CD96: variants seen among roughly 807,000 people sequenced by gnomAD.
The protein encoded by CD96 is T-cell surface protein tactile.
In CD96, 70 loss-of-function variants were observed where a neutral mutation model predicts 71.3. The observed-to-expected ratio is 0.98, with a 90% CI of 0.81 to 1.20. CD96 has a LOEUF of 1.20. Among genes scored for constraint, CD96 ranks in the 50% most tolerant of loss-of-function variants. The probability of loss-of-function intolerance (pLI) is 0.00; values close to 1 mark genes in which losing one functional copy is unlikely to be tolerated. For synonymous variants in CD96, 248 were observed against 233.0 expected (o/e 1.06, Z -0.59); for missense variants, 742 against 677.5 (o/e 1.10, Z -1.06).
chr3:111,549,152 C>A (rs558880107), intron 2 of CD96, among the ~76,000 whole-genome samples: 1 of 151,856 alleles, frequency 6.6e-6, no homozygotes, highest in Admixed American at 6.6e-5. Flanking sequence ...CCTCTCTTCT[C>A]CCCTCCCCTC....
At chr3:111,633,194 G>C (rs1939158357) in intron 10 of CD96, among the ~76,000 whole-genome samples, 1 of 151,638 alleles carries the variant, frequency 6.6e-6, no homozygotes, top group Non-Finnish European at 1.5e-5. Flanking sequence ...AAAAAAAAAA[G>C]GCCCAAGGAG....
At chr3:111,588,757 G>T (rs1165152370) in intron 5 of CD96, among the ~76,000 whole-genome samples, 3 of 152,140 alleles carry the variant, frequency 2.0e-5, no homozygotes, top group Non-Finnish European at 4.4e-5. Flanking sequence ...GGGAGTTCAA[G>T]ATGAGATTTG....
chr3:111,663,067 C>A (rs180949666), intron 14 of CD96, among the ~76,000 whole-genome samples: 2 of 152,238 alleles, frequency 1.3e-5, no homozygotes, highest in East Asian at 3.9e-4. Flanking sequence ...CTTGGGAGAC[C>A]TCAGAAAACT....
chr3:111,631,180 T>TA (rs1322115290), intron 10 of CD96, among the ~76,000 whole-genome samples: 1 of 152,106 alleles, frequency 6.6e-6, no homozygotes, highest in Non-Finnish European at 1.5e-5. Context: ...AAAGCACATT[T>TA]AAATAGGAAA....
intron 3 of CD96, among the ~76,000 whole-genome samples, chr3:111,567,939 G>T (rs897808670): frequency 6.6e-6 from 1 of 152,130 alleles, no homozygotes; most frequent in Non-Finnish European, 1.5e-5. Context: ...GTGTGATAGT[G>T]CCCTAGAAAG....
At chr3:111,655,928 A>C (rs551639828), downstream of CD96, among the ~76,000 whole-genome samples, 83 of 151,506 alleles carry the variant, frequency 5.5e-4, no homozygotes, top group African/African-American at 2.0e-3. Context: ...TACATATACT[A>C]TTCTCTATGG....
chr3:111,598,041 TATATGA>T, intron 5 of CD96, 73 bp from the exon 6 acceptor site: 1 of 766,658 alleles, frequency 1.3e-6, no homozygotes, highest in Non-Finnish European at 2.4e-6. Context: ...TTTGCCAACT[TATATGA>T]ATGTTAGTAA....
chr3:111,633,380 A>G (rs1463747447), intron 10 of CD96, among the ~76,000 whole-genome samples: 2 of 152,214 alleles, frequency 1.3e-5, no homozygotes, highest in African/African-American at 2.4e-5. Context: ...AATAATATGA[A>G]AGTTTGGAAT....
chr3:111,626,225 C>T (rs184054916), intron 10 of CD96, among the ~76,000 whole-genome samples: 116 of 134,924 alleles, frequency 8.6e-4, no homozygotes, highest in Middle Eastern at 4.9e-3. Flanking sequence ...GGTGTGAACC[C>T]GGGAGGCGGA....
At chr3:111,648,212 T>C (rs1205960088) in intron 13 of CD96, among the ~76,000 whole-genome samples, 3 of 152,202 alleles carry the variant, frequency 2.0e-5, no homozygotes, top group Non-Finnish European at 4.4e-5. Flanking sequence ...CCTTCTCCAA[T>C]CGGCAGTCTG....
In CD96 at chr3:111,560,534, GC is replaced by G. The variant is rs1324193048; in HGVS notation, c.419-6984del. Among the ~76,000 whole-genome samples, 304 of 113,232 alleles carry G rather than the reference GC, an allele frequency of 2.7e-3. 4 individuals are homozygous for G. The highest frequency in any genetic ancestry group is 9.4e-3 in the African/African-American group (267 of 28,364). 74.3% of individuals were successfully genotyped at this position (113,232 alleles called of 152,430 possible). A position where few individuals can be genotyped will look rare whatever the true frequency, so the allele number is the denominator to read the frequency against. ...TTTTCTTTAAGAATGTTGAATATTG[GC>G]CCCCACTCTCTTCTGGCTTGTAGGG... On this transcript the variant is annotated intron_variant, in intron 2 of 13. Coordinates refer to ENST00000352690, the MANE Select transcript of CD96 (RefSeq NM_005816.5).
chr3:111,596,647 AT>A (rs1439935275), intron 5 of CD96, among the ~76,000 whole-genome samples: 1 of 152,200 alleles, frequency 6.6e-6, no homozygotes, highest in Non-Finnish European at 1.5e-5. Flanking sequence ...TTAAAAAAAC[AT>A]TTTACCTCCT....
At chr3:111,617,208 A>G (rs1161943000) in intron 8 of CD96, among the ~76,000 whole-genome samples, 1 of 152,230 alleles carries the variant, frequency 6.6e-6, no homozygotes, top group Non-Finnish European at 1.5e-5. Context: ...TATGGAAGGC[A>G]TGATGACAGT....
At chr3:111,581,095 C>T (rs1479023362) in intron 4 of CD96, among the ~76,000 whole-genome samples, 1 of 152,196 alleles carries the variant, frequency 6.6e-6, no homozygotes, top group Non-Finnish European at 1.5e-5. Context: ...TTCTATATCT[C>T]ATTTTTATCA....
At chr3:111,592,531 A>ATGT (rs1168532252) in intron 5 of CD96, among the ~76,000 whole-genome samples, 3 of 152,262 alleles carry the variant, frequency 2.0e-5, no homozygotes, top group South Asian at 4.1e-4. Context: ...TCAGACAGTC[A>ATGT]TGTTCTCTTC....
chr3:111,610,328 C>G (rs1937853964), intron 8 of CD96, among the ~76,000 whole-genome samples: 1 of 152,196 alleles, frequency 6.6e-6, no homozygotes. Flanking sequence ...GCCTCAGAAG[C>G]TGGTAGGATT....
intron 2 of CD96, among the ~76,000 whole-genome samples, chr3:111,566,809 A>G (rs1935734321): frequency 6.6e-6 from 1 of 152,180 alleles, no homozygotes; most frequent in Non-Finnish European, 1.5e-5. Flanking sequence ...AGGAATGTTT[A>G]TAAACTCTGG....
At chr3:111,594,538 T>C in intron 5 of CD96, 1 of 245,940 alleles carries the variant, frequency 4.1e-6, no homozygotes. Flanking sequence ...ACAAAGCTCT[T>C]TGATGAACTC....
intron 10 of CD96, 105 bp from the exon 11 acceptor site, chr3:111,637,091 G>A: frequency 1.4e-6 from 1 of 723,526 alleles, no homozygotes; most frequent in Non-Finnish European, 2.5e-6. Flanking sequence ...TTTGCTTTAT[G>A]TACTCATTAA....
Sources: allele counts gnomAD v4.1 joint callset (sites outside exome capture counted in the v4.1 genomes callset), GRCh38; gene constraint gnomAD v4.1.1; transcripts MANE v1.5; gene names NCBI Gene and HGNC (gene_info 2026-07-23, HGNC 2026-07-21).